Variants in PLCL1 observed in about 807,000 individuals in gnomAD.
PLCL1 encodes the protein phospholipase C like 1 (inactive).
A neutral mutation model predicts 84.4 loss-of-function variants in PLCL1; 41 were observed. That is an observed-to-expected ratio of 0.49 (90% CI 0.38 to 0.63). The LOEUF (loss-of-function observed/expected upper bound fraction) is 0.63. Ranked by LOEUF, PLCL1 falls within the 30% of genes least tolerant of loss-of-function variation. PLCL1 has a pLI of 0.00. For missense variants in PLCL1, 1,206 were observed against 1,367.8 expected (o/e 0.88, Z 1.87); for synonymous variants, 490 against 488.3 (o/e 1.00, Z -0.05).
At chr2:197,816,938 G>A (rs1288981304) in intron 1 of PLCL1, among the ~76,000 whole-genome samples, 2 of 152,112 alleles carry the variant, frequency 1.3e-5, no homozygotes, top group African/African-American at 4.8e-5. Flanking sequence ...ATATATGATT[G>A]TGTCATGAAA....
In PLCL1 at chr2:197,993,376, A is replaced by G. The variant is rs570210483; in HGVS notation, c.241-90382A>G. 2.3e-4 allele frequency among the ~76,000 whole-genome samples: 35 copies of G among 152,252 alleles called. No homozygotes were observed. The South Asian group carries it at 6.8e-3, about 30-fold the overall frequency. ...AGATTGTTTGTTTTTGTTGTTGAGC[A>G]TCAGCATTCTTGGGTAGGATTTCTG... On this transcript the variant is annotated intron_variant, in intron 1 of 5. Coordinates refer to ENST00000428675, the MANE Select transcript of PLCL1 (RefSeq NM_006226.4).
intron 1 of PLCL1, among the ~76,000 whole-genome samples, chr2:197,844,474 C>T (rs1687081517): frequency 6.6e-6 from 1 of 152,014 alleles, no homozygotes; most frequent in Non-Finnish European, 1.5e-5. Context: ...TTCAGTATTC[C>T]ATTGAGTACA....
chr2:198,123,061 T>C (rs1693905822), intron 5 of PLCL1, among the ~76,000 whole-genome samples: 1 of 152,066 alleles, frequency 6.6e-6, no homozygotes, highest in African/African-American at 2.4e-5. Flanking sequence ...AGCTGTTTCA[T>C]ATACAATGAA....
intron 1 of PLCL1, among the ~76,000 whole-genome samples, chr2:197,944,185 G>C (rs1046806176): frequency 4.6e-5 from 7 of 152,090 alleles, no homozygotes; most frequent in African/African-American, 1.4e-4. Flanking sequence ...TTTCACTGAG[G>C]CCCTCTCAAC....
chr2:197,883,191 T>C (rs1218849379), intron 1 of PLCL1, among the ~76,000 whole-genome samples: 3 of 152,226 alleles, frequency 2.0e-5, no homozygotes, highest in African/African-American at 2.4e-5. Context: ...CTTCACAGTA[T>C]GTAATTATAT....
chr2:197,828,688 A>G (rs72918841), intron 1 of PLCL1, among the ~76,000 whole-genome samples: 12,656 of 152,202 alleles, frequency 0.083, 717 homozygotes, highest in Non-Finnish European at 0.12. Flanking sequence ...GCTGAGATCA[A>G]TTTTATAATT....
intron 1 of PLCL1, among the ~76,000 whole-genome samples, chr2:197,943,519 CT>C (rs1371547826): frequency 6.6e-6 from 1 of 151,592 alleles, no homozygotes; most frequent in Non-Finnish European, 1.5e-5. Context: ...AATCAATTTA[CT>C]TTCTATAGGA....
At chr2:197,919,170 A>G (rs1357283608) in intron 1 of PLCL1, among the ~76,000 whole-genome samples, 1 of 152,190 alleles carries the variant, frequency 6.6e-6, no homozygotes, top group Non-Finnish European at 1.5e-5. Context: ...AGGCAAAACT[A>G]GCTTCTTTTG....
intron 1 of PLCL1, among the ~76,000 whole-genome samples, chr2:197,822,217 A>G (rs1478078562): frequency 1.3e-5 from 2 of 152,072 alleles, no homozygotes; most frequent in Non-Finnish European, 2.9e-5. Flanking sequence ...TTTGCAGTTA[A>G]CCACACTAGG....
At chr2:197,889,464 C>G (rs1687976281) in intron 1 of PLCL1, among the ~76,000 whole-genome samples, 1 of 152,180 alleles carries the variant, frequency 6.6e-6, no homozygotes, top group Non-Finnish European at 1.5e-5. Flanking sequence ...AAAGCTCTTC[C>G]TATACTTCTG....
At chr2:197,886,283 G>T (rs1403641960) in intron 1 of PLCL1, among the ~76,000 whole-genome samples, 1 of 151,400 alleles carries the variant, frequency 6.6e-6, no homozygotes, top group African/African-American at 2.4e-5. Flanking sequence ...GTGGTGGTAC[G>T]TGCCTGTAGT....
Position 198,082,306 on chromosome 2 carries a change from T to C in PLCL1, c.241-1452T>C, listed in dbSNP as rs1034416413. On this transcript the variant is annotated intron_variant, in intron 1 of 5. Coordinates refer to ENST00000428675, the MANE Select transcript of PLCL1 (RefSeq NM_006226.4). The stretch of plus-strand genomic sequence containing the variant: ...GTGGAATAATTACAACTCAAGAACA[T>C]GGTGGCACGTTCCTGTAATCCCAGC... 2.0e-5 allele frequency among the ~76,000 whole-genome samples: 3 copies of C among 152,000 alleles called. No homozygotes were observed. The East Asian group carries it at 5.8e-4, about 29-fold the overall frequency.
intron 1 of PLCL1, among the ~76,000 whole-genome samples, chr2:198,026,461 A>AGGAGAGGAAAC (rs1691267975): frequency 1.3e-5 from 2 of 152,168 alleles, no homozygotes; most frequent in African/African-American, 4.8e-5. Flanking sequence ...AGTTGTTATC[A>AGGAGAGGAAAC]TTTCTATGTT....
At chr2:197,867,920 G>A (rs1026702406) in intron 1 of PLCL1, among the ~76,000 whole-genome samples, 14 of 152,162 alleles carry the variant, frequency 9.2e-5, no homozygotes, top group African/African-American at 2.7e-4. Flanking sequence ...TCAACTTGAA[G>A]TTATACCTCT....
rs750280852 is a variant in PLCL1, at chr2:198,103,902, CTG to C, written c.3072_3073del (p.Ser1026LeufsTer21). On this transcript the variant is annotated frameshift_variant, in exon 5 of 6. Transcript: ENST00000428675. LOFTEE classifies it high-confidence loss of function. ...AAGGGAAGAAAACTCAACAAAGCAA[CTG>C]AGAGCTTTGCTTGGAACATTACAGT... 1 of 1,605,338 alleles carries C rather than the reference CTG, an allele frequency of 6.2e-7. No homozygotes were observed.
intron 1 of PLCL1, among the ~76,000 whole-genome samples, chr2:197,807,246 T>C (rs949887212): frequency 1.3e-5 from 2 of 152,258 alleles, no homozygotes; most frequent in African/African-American, 4.8e-5. Flanking sequence ...CCCTCATAGA[T>C]GTTAACACTT....
rs1244383035 is a variant in PLCL1, at chr2:198,084,526, C to G, written c.1009C>G (p.Leu337Val). Reference protein sequence around the residue: ...KEYLDANDLMLFLEAEQGVTH... With the variant: ...KEYLDANDLMVFLEAEQGVTH... ...ATATTTGGATGCCAATGATCTCATGCTCTTTTTAGAAGCTGAGCAAGGAGT... is the reference window on the plus strand; with the variant it reads ...ATATTTGGATGCCAATGATCTCATGGTCTTTTTAGAAGCTGAGCAAGGAGT... Residue 337 changes from leucine (L) to valine (V), a missense_variant, in exon 2 of 6, where the codon CTC becomes GTC. Leu to Val is a conservative substitution (Grantham distance 32). Transcript: ENST00000428675. 1 of 1,613,998 alleles carries G rather than the reference C, an allele frequency of 6.2e-7. No individual in the cohort carries two copies. The highest frequency in any genetic ancestry group is 1.1e-5 in the South Asian group (1 of 91,068).
intron 5 of PLCL1, among the ~76,000 whole-genome samples, chr2:198,114,814 T>TGTGC (rs1325744888): frequency 6.6e-6 from 1 of 151,772 alleles, no homozygotes; most frequent in African/African-American, 2.4e-5. Context: ...TGTGTGTGCA[T>TGTGC]ATATATATCT....
chr2:198,031,471 A>G (rs933431994), intron 1 of PLCL1, among the ~76,000 whole-genome samples: 7 of 151,776 alleles, frequency 4.6e-5, no homozygotes, highest in Admixed American at 6.6e-5. Context: ...ATATTTATCA[A>G]TTGTATGGAT....
Sources: allele counts gnomAD v4.1 joint callset (sites outside exome capture counted in the v4.1 genomes callset), GRCh38; gene constraint gnomAD v4.1.1; transcripts MANE v1.5; gene names NCBI Gene and HGNC (gene_info 2026-07-23, HGNC 2026-07-21).